The following ATP10B variants were observed in gnomAD, a reference collection of about 807,000 sequenced individuals.
The protein encoded by ATP10B is phospholipid-transporting ATPase VB.
A neutral mutation model predicts 141.2 loss-of-function variants in ATP10B; 122 were observed. The observed-to-expected ratio is 0.86, with a 90% CI of 0.75 to 1.00. The LOEUF is 1.00. Among genes scored for constraint, ATP10B ranks in the 50% least tolerant of loss-of-function variants. The pLI, the probability that ATP10B is intolerant of heterozygous loss-of-function variation, is 0.00. For missense variants in ATP10B, 1,876 were observed against 1,825.3 expected, an observed-to-expected ratio of 1.03 and a Z score of -0.51; for synonymous variants, 685 against 692.0, an observed-to-expected ratio of 0.99 and a Z score of 0.16.
At chr5:160,835,113 C>G (rs1398855097) in intron 1 of ATP10B, among the ~76,000 whole-genome samples, 1 of 151,898 alleles carries the variant, frequency 6.6e-6, no homozygotes. Flanking sequence ...TGTTGTGGAG[C>G]TGAAACAGAG....
At chr5:160,899,374 A>G in the ATP10B span, among the ~76,000 whole-genome samples, 1 of 152,102 alleles carries the variant, frequency 6.6e-6, no homozygotes, top group African/African-American at 2.4e-5. Context: ...AAATGTCGTC[A>G]TGTAGAAGGC....
At chr5:160,652,102 C>T (rs931981842) in intron 7 of ATP10B, among the ~76,000 whole-genome samples, 1 of 152,160 alleles carries the variant, frequency 6.6e-6, no homozygotes, top group Non-Finnish European at 1.5e-5. Flanking sequence ...ACTCTTGTTC[C>T]TCTGTTGGGG....
intron 11 of ATP10B, 120 bp from the exon 12 acceptor site, chr5:160,634,726 T>C: frequency 9.3e-7 from 1 of 1,075,540 alleles, no homozygotes; most frequent in Non-Finnish European, 1.3e-6. Flanking sequence ...GGACAGACTC[T>C]CTGTGAAATT....
intron 13 of ATP10B, among the ~76,000 whole-genome samples, chr5:160,626,868 A>G (rs1236895105): frequency 2.6e-5 from 4 of 152,184 alleles, no homozygotes; most frequent in Non-Finnish European, 4.4e-5. Context: ...TTCTTCTTTC[A>G]GTTTTAATAA....
chr5:160,827,771 T>G (rs141735383), intron 1 of ATP10B, among the ~76,000 whole-genome samples: 153 of 152,294 alleles, frequency 1.0e-3, no homozygotes, highest in Non-Finnish European at 1.6e-3. Flanking sequence ...AAGAGTCCAG[T>G]TTCATTCACC....
intron 1 of ATP10B, among the ~76,000 whole-genome samples, chr5:160,846,833 T>C (rs892999921): frequency 2.0e-5 from 3 of 152,218 alleles, no homozygotes; most frequent in African/African-American, 7.2e-5. Flanking sequence ...TCCTGCCACA[T>C]TGTGGCTGGC....
intron 3 of ATP10B, among the ~76,000 whole-genome samples, chr5:160,715,264 G>A (rs1218797319): frequency 1.2e-4 from 15 of 126,794 alleles, no homozygotes; most frequent in Non-Finnish European, 2.4e-4. Context: ...AGCAATCAGC[G>A]AGATTCCGTG....
At chr5:160,809,640 C>T (rs1773014780) in intron 1 of ATP10B, among the ~76,000 whole-genome samples, 1 of 152,086 alleles carries the variant, frequency 6.6e-6, no homozygotes, top group Non-Finnish European at 1.5e-5. Flanking sequence ...AAACTTATTC[C>T]TCCTGTCTAG....
At chr5:160,759,630 C>A (rs1768883488) in intron 2 of ATP10B, among the ~76,000 whole-genome samples, 1 of 152,118 alleles carries the variant, frequency 6.6e-6, no homozygotes, top group African/African-American at 2.4e-5. Flanking sequence ...ACACCTATGG[C>A]AATAGGCTGT....
chr5:160,900,391 A>AT, the ATP10B span, among the ~76,000 whole-genome samples: 1 of 152,154 alleles, frequency 6.6e-6, no homozygotes, highest in Non-Finnish European at 1.5e-5. Context: ...CATGATTCCC[A>AT]TTTTATAGAT....
At chr5:160,726,659 G>GGGAGGAGGAAGGAGTAGGGGGGGA (rs1561792821) in intron 2 of ATP10B, among the ~76,000 whole-genome samples, 25 of 145,906 alleles carry the variant, frequency 1.7e-4, no homozygotes, top group African/African-American at 6.1e-4. Flanking sequence ...GGGGAAGAAG[G>GGGAGGAGGAAGGAGTAGGGGGGGA]GGAGGAGGAA....
chr5:160,830,462 C>A (rs1774981554), intron 1 of ATP10B, among the ~76,000 whole-genome samples: 1 of 152,036 alleles, frequency 6.6e-6, no homozygotes, highest in Non-Finnish European at 1.5e-5. Context: ...GTAATAGTGA[C>A]ACCAGATCAA....
intron 1 of ATP10B, among the ~76,000 whole-genome samples, chr5:160,787,667 G>A (rs980449610): frequency 2.6e-5 from 4 of 152,124 alleles, no homozygotes; most frequent in Admixed American, 1.3e-4. Context: ...CGTGTCCTGC[G>A]TGGGGGGCAG....
At chr5:160,885,603 C>G in the ATP10B span, among the ~76,000 whole-genome samples, 1 of 152,092 alleles carries the variant, frequency 6.6e-6, no homozygotes, top group African/African-American at 2.4e-5. Context: ...GGGAACTCAG[C>G]CTGAATTAAT....
At position 160,670,474 on chromosome 5, in the gene ATP10B, A is replaced by G. The variant is rs1417410062; in HGVS notation, c.664T>C (p.Phe222Leu). The change falls in exon 7 of 26, where the codon TTC becomes CTC. Residue 222 changes from phenylalanine (F) to leucine (L), a missense_variant. By Grantham distance (22) the Phe-to-Leu change is conservative. Coordinates refer to ENST00000327245, the MANE Select transcript of ATP10B (RefSeq NM_025153.3). The part of the protein sequence containing the change: ...NLKQRCVVKG[F>L]SQQEVQFEPE... ...AGAAAGAGCCCTACCTGCTGTGAGA[A>G]GCCCTTCACGACACATCTTTGCTTG... 9 of 1,613,784 alleles carry G rather than the reference A, an allele frequency of 5.6e-6. No individual in the cohort carries two copies. Among genetic ancestry groups the G allele is most frequent in the South Asian group, 2.2e-5 (2 of 91,066 alleles).
At chr5:160,798,271 G>A (rs1772105195) in intron 1 of ATP10B, among the ~76,000 whole-genome samples, 2 of 152,134 alleles carry the variant, frequency 1.3e-5, no homozygotes, top group African/African-American at 2.4e-5. Context: ...GGTTATATTG[G>A]GTTGGAAAAC....
At chr5:160,847,546 T>G (rs546925775) in intron 1 of ATP10B, among the ~76,000 whole-genome samples, 23 of 152,322 alleles carry the variant, frequency 1.5e-4, no homozygotes, top group Non-Finnish European at 2.9e-4. Flanking sequence ...GAACCTGTGC[T>G]GTTAAACTTG....
At chr5:160,917,073 C>G in the ATP10B span, among the ~76,000 whole-genome samples, 1 of 152,026 alleles carries the variant, frequency 6.6e-6, no homozygotes, top group South Asian at 2.1e-4. Context: ...CCCCTTTGCC[C>G]ACCATGGTGG....
rs1757965498 is a variant in ATP10B, at chr5:160,615,845, G to A, written c.2646C>T (p.Thr882=). The change falls in exon 17 of 26, where the codon ACC becomes ACT. Residue 882 remains threonine, a synonymous_variant. Transcript: ENST00000327245. The stretch of plus-strand genomic sequence containing the variant: ...TGACTTATTTTTAGCTACCAAGTAA[G>A]GTGAGTTGATTCTCCAGATGCTGTG... The part of the protein sequence containing the change: ...ETAQHLENQL[T]LLGATGIEDR... 1.2e-5 allele frequency: 19 copies of A among 1,610,806 alleles called. No individual in the cohort carries two copies. Among genetic ancestry groups the A allele is most frequent in the Non-Finnish European group, 1.6e-5 (19 of 1,177,392 alleles).
Sources: gnomAD v4.1 joint callset for allele counts (sites outside exome capture counted in the v4.1 genomes callset) on GRCh38, gnomAD v4.1.1 for gene constraint, MANE v1.5 for transcripts, NCBI Gene and HGNC (gene_info 2026-07-23, HGNC 2026-07-21) for gene names.